HS3ST5: variants seen among roughly 807,000 people sequenced by gnomAD.
HS3ST5 encodes heparan sulfate glucosamine 3-O-sulfotransferase 5.
In HS3ST5, 10 loss-of-function variants were observed where a neutral mutation model predicts 25.4. That is an observed-to-expected ratio of 0.39 (90% CI 0.24 to 0.67). HS3ST5 has a LOEUF of 0.67. Among genes scored for constraint, HS3ST5 ranks in the 30% least tolerant of loss-of-function variants. HS3ST5 has a pLI of 0.44. For synonymous variants in HS3ST5, 170 were observed against 162.4 expected (o/e 1.05, Z -0.36); for missense variants, 324 against 420.7 (o/e 0.77, Z 2.01).
chr6:114,140,776 G>A (rs1487279372), intron 3 of HS3ST5, among the ~76,000 whole-genome samples: 1 of 152,208 alleles, frequency 6.6e-6, no homozygotes, highest in Non-Finnish European at 1.5e-5. Flanking sequence ...TGGCTAGTTT[G>A]TTATTTTTCA....
At chr6:114,218,677 A>T (rs923999785) in intron 2 of HS3ST5, among the ~76,000 whole-genome samples, 1 of 152,232 alleles carries the variant, frequency 6.6e-6, no homozygotes, top group African/African-American at 2.4e-5. Flanking sequence ...GAAAAATGCC[A>T]TTCCCTGAGT....
rs561004407 is a variant in HS3ST5, at chr6:114,156,007, A to G, written c.-33+12344T>C. On this transcript the variant is annotated intron_variant, in intron 3 of 4. Transcript: ENST00000312719. ...ATCCTGAGGAAAATTAATTTTCAAC[A>G]GTGAAACAGGGCAGAGAAACCAGAA... Among the ~76,000 whole-genome samples the G allele has an allele frequency of 1.1e-4, 16 of 152,360 alleles. 1 individual carries two copies. The East Asian group carries it at 2.5e-3, about 24-fold the overall frequency.
At chr6:114,258,324 C>T (rs951988744) in intron 1 of HS3ST5, among the ~76,000 whole-genome samples, 15 of 152,152 alleles carry the variant, frequency 9.9e-5, no homozygotes, top group Admixed American at 8.5e-4. Context: ...GATCCTATGT[C>T]TCTACCAGTT....
rs965002400 is a variant in HS3ST5 at position 114,278,037 on chromosome 6, G to T, written c.-338-49259C>A. On this transcript the variant is annotated intron_variant, in intron 1 of 4. Transcript: ENST00000312719. ...AGGCCACCTGCGATGGGCTTTGAGG[G>T]GGCAGGTTAGTGGGAGAAACAATAG... Among the ~76,000 whole-genome samples, 12 of 151,972 alleles carry T rather than the reference G, an allele frequency of 7.9e-5. No individual in the cohort carries two copies. The East Asian group carries it at 9.7e-4, about 12-fold the overall frequency.
At chr6:114,284,170 G>T (rs1582786653) in intron 1 of HS3ST5, among the ~76,000 whole-genome samples, 1 of 151,946 alleles carries the variant, frequency 6.6e-6, no homozygotes, top group Non-Finnish European at 1.5e-5. Context: ...ACCTTATAGG[G>T]GAACTTAAAA....
chr6:114,124,258 A>C (rs1015221248), intron 3 of HS3ST5, among the ~76,000 whole-genome samples: 86 of 152,260 alleles, frequency 5.6e-4, no homozygotes, highest in African/African-American at 1.9e-3. Flanking sequence ...ATACAATCCC[A>C]GCTCCTGAGT....
chr6:114,184,333 G>A (rs1244545841), intron 2 of HS3ST5, among the ~76,000 whole-genome samples: 1 of 152,114 alleles, frequency 6.6e-6, no homozygotes, highest in Non-Finnish European at 1.5e-5. Flanking sequence ...AAAATTCTCA[G>A]CTCATCCATA....
At chr6:114,079,683 C>G (rs1774339937) in intron 3 of HS3ST5, among the ~76,000 whole-genome samples, 1 of 152,206 alleles carries the variant, frequency 6.6e-6, no homozygotes, top group African/African-American at 2.4e-5. Context: ...AATGGTGAAT[C>G]TTTTCCAGAA....
intron 1 of HS3ST5, among the ~76,000 whole-genome samples, chr6:114,258,542 G>A (rs1773032288): frequency 6.6e-6 from 1 of 152,128 alleles, no homozygotes; most frequent in Non-Finnish European, 1.5e-5. Flanking sequence ...GCAGCCATGG[G>A]CCTGGGGGTG....
rs1337904660 is a variant in HS3ST5, at chr6:114,057,488, C to T, written c.810G>A (p.Glu270=). The T allele has an allele frequency of 6.2e-7, 1 of 1,614,134 alleles. No homozygotes were observed. The highest frequency in any genetic ancestry group is 8.5e-7 in the Non-Finnish European group (1 of 1,180,014). The change falls in exon 5 of 5, where the codon GAG becomes GAA. Residue 270 remains glutamate (E), a synonymous_variant. Transcript: ENST00000312719. The part of the protein sequence containing the change: ...TEPLPELQLV[E]KFLNLPPRIS... ...TCCTTGGAGGCAGATTTAGGAACTTCTCCACGAGCTGAAGTTCTGGCAGAG... is the reference window on the plus strand; with the variant it reads ...TCCTTGGAGGCAGATTTAGGAACTTTTCCACGAGCTGAAGTTCTGGCAGAG...
At chr6:114,094,731 C>T (rs1433610549) in intron 3 of HS3ST5, among the ~76,000 whole-genome samples, 8 of 152,100 alleles carry the variant, frequency 5.3e-5, no homozygotes, top group African/African-American at 1.7e-4. Context: ...TCCCTGGTCC[C>T]TGATATTCAT....
At chr6:114,289,824 T>C (rs548247781) in intron 1 of HS3ST5, among the ~76,000 whole-genome samples, 1 of 152,264 alleles carries the variant, frequency 6.6e-6, no homozygotes, top group East Asian at 1.9e-4. Context: ...ATTTTGAATT[T>C]TCCAAACTAT....
rs566331777 is a variant in HS3ST5 at position 114,294,093 on chromosome 6, T to A, written c.-339+48102A>T. On this transcript the variant is annotated intron_variant, in intron 1 of 4. Coordinates refer to ENST00000312719, the MANE Select transcript of HS3ST5 (RefSeq NM_153612.4). ...GAGGGCACCTAATCTCAATAACGTG[T>A]TAAGGAGAAACACTTAAGGAGAAGC... 6.4e-4 allele frequency among the ~76,000 whole-genome samples: 98 copies of A among 152,232 alleles called. 1 individual carries two copies. The highest frequency in any genetic ancestry group is 2.3e-3 in the African/African-American group (94 of 41,554).
intron 2 of HS3ST5, among the ~76,000 whole-genome samples, chr6:114,212,379 AC>A (rs963799430): frequency 1.3e-5 from 2 of 151,972 alleles, no homozygotes; most frequent in African/African-American, 4.8e-5. Flanking sequence ...CTCTTTTCTC[AC>A]TTGCTGCCCC....
At chr6:114,171,726 C>T (rs1185186273) in intron 2 of HS3ST5, among the ~76,000 whole-genome samples, 2 of 152,084 alleles carry the variant, frequency 1.3e-5, no homozygotes, top group Admixed American at 6.6e-5. Flanking sequence ...ACAGTGCTGC[C>T]CCTTACTGTC....
At chr6:114,326,952 T>C (rs900001298) in intron 1 of HS3ST5, among the ~76,000 whole-genome samples, 1 of 152,192 alleles carries the variant, frequency 6.6e-6, no homozygotes, top group Non-Finnish European at 1.5e-5. Flanking sequence ...TGAAGCTTTG[T>C]GGTTTAATAT....
intron 2 of HS3ST5, among the ~76,000 whole-genome samples, chr6:114,210,852 T>C (rs191492284): frequency 6.6e-6 from 1 of 152,330 alleles, no homozygotes; most frequent in East Asian, 1.9e-4. Context: ...CCCTCTTTTA[T>C]CCTATGTCTA....
chr6:114,173,190 GTTTTAACAAC>G, intron 2 of HS3ST5, among the ~76,000 whole-genome samples: 1 of 152,294 alleles, frequency 6.6e-6, no homozygotes, highest in East Asian at 1.9e-4. Flanking sequence ...GGCTAGCAAT[GTTTTAACAAC>G]TTTTGACAAG....
intron 3 of HS3ST5, among the ~76,000 whole-genome samples, chr6:114,119,454 A>C (rs1776678529): frequency 6.6e-6 from 1 of 152,208 alleles, no homozygotes; most frequent in East Asian, 1.9e-4. Context: ...GGGAACTGCA[A>C]ATTGAAATTA....
Sources: allele counts gnomAD v4.1 joint callset (sites outside exome capture counted in the v4.1 genomes callset), GRCh38; gene constraint gnomAD v4.1.1; transcripts MANE v1.5; gene names NCBI Gene and HGNC (gene_info 2026-07-23, HGNC 2026-07-21).